HS3ST4: variants seen among roughly 807,000 people sequenced by gnomAD.
HS3ST4 encodes the protein heparan sulfate glucosamine 3-O-sulfotransferase 4.
HS3ST4 carries 17 observed loss-of-function variants against 29.2 expected under a neutral mutation model. The ratio of observed to expected loss-of-function variants is 0.58; its 90% CI spans 0.40 to 0.87. HS3ST4 has a LOEUF of 0.87. HS3ST4 is among the 40% of genes least tolerant of loss of function. The probability of loss-of-function intolerance (pLI) is 0.00; values close to 1 mark genes in which losing one functional copy is unlikely to be tolerated. For synonymous variants in HS3ST4, 314 were observed against 285.7 expected (o/e 1.10, Z -1.00); for missense variants, 627 against 634.5 (o/e 0.99, Z 0.13).
chr16:25,761,381 G>C (rs906278432), intron 1 of HS3ST4, among the ~76,000 whole-genome samples: 1 of 152,174 alleles, frequency 6.6e-6, no homozygotes, highest in African/African-American at 2.4e-5. Flanking sequence ...GTGACTGAGA[G>C]TTGACTTTTA....
intron 1 of HS3ST4, among the ~76,000 whole-genome samples, chr16:25,838,829 A>G (rs1054556599): frequency 1.3e-5 from 2 of 152,152 alleles, no homozygotes; most frequent in Admixed American, 1.3e-4. Flanking sequence ...TTTTTGGGTC[A>G]CTTTTTTCAC....
intron 1 of HS3ST4, among the ~76,000 whole-genome samples, chr16:25,974,443 T>C (rs1968925244): frequency 6.6e-6 from 1 of 152,170 alleles, no homozygotes; most frequent in Non-Finnish European, 1.5e-5. Flanking sequence ...AAATTGAGGC[T>C]TAAAAACTAA....
chr16:25,967,624 T>C (rs1194672660), intron 1 of HS3ST4, among the ~76,000 whole-genome samples: 1 of 152,246 alleles, frequency 6.6e-6, no homozygotes, highest in Admixed American at 6.5e-5. Flanking sequence ...TGTTTCTCTC[T>C]AGACCATTTC....
rs1353222637 is a variant in HS3ST4 at position 25,770,507 on chromosome 16, G to A, written c.734+77356G>A. On this transcript the variant is annotated intron_variant, in intron 1 of 1. Coordinates refer to ENST00000331351, the MANE Select transcript of HS3ST4 (RefSeq NM_006040.3). ...GGCCACACATTGAGGAAGGGATGGT[G>A]CCTGAACTTGAGCTCAGCTCACTCT... 2.6e-5 allele frequency among the ~76,000 whole-genome samples: 4 copies of A among 152,290 alleles called. No individual in the cohort carries two copies. The East Asian group carries it at 7.7e-4, about 29-fold the overall frequency.
At chr16:26,117,708 C>T (rs1221860692) in intron 1 of HS3ST4, among the ~76,000 whole-genome samples, 1 of 152,224 alleles carries the variant, frequency 6.6e-6, no homozygotes, top group Non-Finnish European at 1.5e-5. Context: ...GCACACCCAT[C>T]TGCTTGTGGC....
At chr16:25,749,998 T>C (rs552456568) in intron 1 of HS3ST4, among the ~76,000 whole-genome samples, 2 of 152,358 alleles carry the variant, frequency 1.3e-5, no homozygotes, top group Non-Finnish European at 1.5e-5. Flanking sequence ...AATTTTATTA[T>C]GCTCATATAT....
chr16:25,873,906 TC>T (rs1434977564), intron 1 of HS3ST4, among the ~76,000 whole-genome samples: 1 of 152,124 alleles, frequency 6.6e-6, no homozygotes, highest in African/African-American at 2.4e-5. Flanking sequence ...CATGTGGACA[TC>T]TCTTTAAAAG....
chr16:25,926,883 G>A (rs952140745), intron 1 of HS3ST4, among the ~76,000 whole-genome samples: 37 of 152,010 alleles, frequency 2.4e-4, no homozygotes, highest in Non-Finnish European at 4.9e-4. Flanking sequence ...ATTTCAGTTC[G>A]TGTTTTGGTT....
chr16:25,928,699 C>T (rs1213509242), intron 1 of HS3ST4, among the ~76,000 whole-genome samples: 1 of 152,180 alleles, frequency 6.6e-6, no homozygotes, highest in African/African-American at 2.4e-5. Flanking sequence ...TCTGGGTCCA[C>T]TGTCTCAGGG....
chr16:25,976,405 A>T (rs1015249060), intron 1 of HS3ST4, among the ~76,000 whole-genome samples: 3 of 152,166 alleles, frequency 2.0e-5, no homozygotes, highest in Non-Finnish European at 2.9e-5. Flanking sequence ...TCCAGGGCTC[A>T]GGCAACCTTT....
intron 1 of HS3ST4, among the ~76,000 whole-genome samples, chr16:25,779,138 A>G (rs1371257199): frequency 1.3e-5 from 2 of 152,192 alleles, no homozygotes; most frequent in Non-Finnish European, 2.9e-5. Context: ...TAGGCTAAAC[A>G]TATAAGTGCA....
chr16:26,069,871 A>G (rs1898582474), intron 1 of HS3ST4, among the ~76,000 whole-genome samples: 1 of 151,912 alleles, frequency 6.6e-6, no homozygotes. Flanking sequence ...CCATGTCCCT[A>G]CAAAGGACAT....
intron 1 of HS3ST4, among the ~76,000 whole-genome samples, chr16:25,736,552 A>G (rs946798165): frequency 6.6e-6 from 1 of 152,228 alleles, no homozygotes; most frequent in African/African-American, 2.4e-5. Context: ...AAGCATGACA[A>G]TACATTTACA....
intron 1 of HS3ST4, among the ~76,000 whole-genome samples, chr16:25,767,806 C>T (rs1018762280): frequency 1.3e-5 from 2 of 152,214 alleles, no homozygotes; most frequent in African/African-American, 2.4e-5. Context: ...AAGTCCCATA[C>T]TCAGGGTTGC....
intron 1 of HS3ST4, among the ~76,000 whole-genome samples, chr16:25,970,166 G>A (rs1244662722): frequency 2.6e-5 from 4 of 152,166 alleles, no homozygotes; most frequent in Admixed American, 6.5e-5. Flanking sequence ...GCCAAGAAAC[G>A]GCCTTTGGAG....
At chr16:25,906,779 C>G (rs190508376) in intron 1 of HS3ST4, among the ~76,000 whole-genome samples, 16 of 152,164 alleles carry the variant, frequency 1.1e-4, no homozygotes, top group Non-Finnish European at 2.1e-4. Flanking sequence ...TGGCTGGTAT[C>G]TAGGAAGCAT....
At chr16:25,857,221 A>C (rs529626533) in intron 1 of HS3ST4, among the ~76,000 whole-genome samples, 2 of 152,298 alleles carry the variant, frequency 1.3e-5, no homozygotes, top group South Asian at 4.1e-4. Context: ...GTATGCCTCC[A>C]GGAGCTTCTT....
intron 1 of HS3ST4, among the ~76,000 whole-genome samples, chr16:26,130,948 A>G (rs1018586634): frequency 1.3e-5 from 2 of 152,152 alleles, no homozygotes; most frequent in Admixed American, 1.3e-4. Flanking sequence ...TCTGAAATTG[A>G]CTTGGTATCT....
At chr16:26,086,579 G>A (rs898481510) in intron 1 of HS3ST4, among the ~76,000 whole-genome samples, 7 of 151,964 alleles carry the variant, frequency 4.6e-5, no homozygotes, top group African/African-American at 7.3e-5. Context: ...TTGATCTCCC[G>A]ACCTCGTGAT....
Sources: allele counts gnomAD v4.1 joint callset (sites outside exome capture counted in the v4.1 genomes callset), GRCh38; gene constraint gnomAD v4.1.1; transcripts MANE v1.5; gene names NCBI Gene and HGNC (gene_info 2026-07-23, HGNC 2026-07-21).